The following LDHD variants were observed in gnomAD, a reference collection of about 807,000 sequenced individuals.
The protein encoded by LDHD is lactate dehydrogenase D.
In LDHD, 58 loss-of-function variants were observed where a neutral mutation model predicts 52.9. That is an observed-to-expected ratio of 1.10 (90% CI 0.89 to 1.36). The LOEUF (loss-of-function observed/expected upper bound fraction) is 1.36. Among genes scored for constraint, LDHD ranks in the 40% most tolerant of loss-of-function variants. The pLI, the probability that LDHD is intolerant of heterozygous loss-of-function variation, is 0.00. For synonymous variants in LDHD, 350 were observed against 288.6 expected (o/e 1.21, Z -2.16); for missense variants, 747 against 668.0 (o/e 1.12, Z -1.30).
rs745578747 is a variant in LDHD at position 75,113,824 on chromosome 16, C to T, written c.876G>A (p.Lys292=). 6.2e-6 allele frequency: 10 copies of T among 1,614,010 alleles called. No homozygotes were observed. The East Asian group carries it at 2.0e-4, about 32-fold the overall frequency. ...GTGTGGGCGCCACTAAGCAATTCAG[C>T]TTGCTGTACCTGTTGCAGGCATCCA... ...VMMDACNRYS[K]LNCLVAPTLF... The change falls in exon 7 of 11, where the codon AAG becomes AAA. Residue 292 remains lysine (K), a synonymous_variant. Coordinates refer to ENST00000450168, the MANE Select transcript of LDHD (RefSeq NM_194436.3).
At chr16:75,115,026 C>T in intron 3 of LDHD, 58 bp from the exon 4 acceptor site, 1 of 1,568,966 alleles carries the variant, frequency 6.4e-7, no homozygotes, top group South Asian at 1.2e-5. Context: ...TGGCCACGTC[C>T]CCGGACCACA....
intron 4 of LDHD, 53 bp from the exon 5 acceptor site, chr16:75,114,738 G>A (rs1011194391): frequency 9.6e-6 from 15 of 1,555,290 alleles, no homozygotes; most frequent in Non-Finnish European, 1.3e-5. Flanking sequence ...CCTTTCCCTC[G>A]GGCTGGGGGA....
In LDHD at chr16:75,112,076, A is replaced by C; in HGVS notation, c.*280T>G. 1 of 410,368 alleles carries C rather than the reference A, an allele frequency of 2.4e-6. No individual in the cohort carries two copies. The allele number at this position is 410,368 out of a possible 1,614,324, so 25.4% of individuals were successfully genotyped here. On this transcript the variant is annotated 3_prime_UTR_variant, in exon 11 of 11. Transcript: ENST00000450168. ...TGGACCCAGACGCTCTCTTCCCGCC[A>C]GGACAGGATGCGTAGGAGCAGAGAG...
At position 75,112,919 on chromosome 16, in the gene LDHD, G is replaced by T; in HGVS notation, c.1092C>A (p.Tyr364Ter). 1 of 1,610,696 alleles carries T rather than the reference G, an allele frequency of 6.2e-7. No homozygotes were observed. Among genetic ancestry groups the T allele is most frequent in the Non-Finnish European group, 8.5e-7 (1 of 1,179,428 alleles). The change falls in exon 9 of 11, where the codon TAC (tyrosine) becomes TAA (stop). Residue 364 changes from tyrosine (Y) to a stop codon, truncating the protein, a stop_gained. Coordinates refer to ENST00000450168, the MANE Select transcript of LDHD (RefSeq NM_194436.3). LOFTEE classifies it high-confidence loss of function. ...ALATRPGCKG[Y>*]STDVCVPISR... ...AGATGGGCACACACACATCCGTGGAGTAGCCCTGGTCAGAGGGAAGCCTAT... is the reference window on the plus strand; with the variant it reads ...AGATGGGCACACACACATCCGTGGATTAGCCCTGGTCAGAGGGAAGCCTAT...
chr16:75,112,805 C>G (rs140888366), intron 9 of LDHD, 29 bp downstream of exon 9: 42 of 1,607,040 alleles, frequency 2.6e-5, no homozygotes, highest in Non-Finnish European at 3.2e-5. Flanking sequence ...CACCTCCCCA[C>G]CTCTCCCCAG....
intron 3 of LDHD, 35 bp from the exon 4 acceptor site, chr16:75,115,003 T>G (rs368166767): frequency 6.9e-6 from 11 of 1,589,162 alleles, no homozygotes; most frequent in Non-Finnish European, 8.6e-6. Context: ...ACTGCAGACC[T>G]GGGTCTCTGA....
chr16:75,114,930 G>GA lies in LDHD; in HGVS notation c.365dup (p.Leu123ProfsTer122). The GA allele has an allele frequency of 1.9e-6, 3 of 1,613,982 alleles. No homozygotes were observed. Among genetic ancestry groups the GA allele is most frequent in the Non-Finnish European group, 2.5e-6 (3 of 1,179,988 alleles). ...AGAAGTCCTCCTGGTTCAGCTCCAGGATTCGGTCCATATGCGTCAGGTTAA... is the reference window on the plus strand; with the variant it reads ...AGAAGTCCTCCTGGTTCAGCTCCAGGAATTCGGTCCATATGCGTCAGGTTAA... On this transcript the variant is annotated frameshift_variant, in exon 4 of 11. Coordinates refer to ENST00000450168, the MANE Select transcript of LDHD (RefSeq NM_194436.3). LOFTEE classifies it high-confidence loss of function.
rs762442864 is a variant in LDHD at position 75,114,209 on chromosome 16, G to C, written c.630-44C>G. ...CAAGGTGAGTACCAGGCTGTGTGAT[G>C]AGGGATTTCTGGCCAGAAGCCGAAG... On this transcript the variant is annotated intron_variant, in intron 5 of 10. Transcript: ENST00000450168. 6 of 1,603,724 alleles carry C rather than the reference G, an allele frequency of 3.7e-6. No homozygotes were observed. The African/African-American group carries it at 8.0e-5, about 21-fold the overall frequency.
At position 75,113,851 on chromosome 16, in the gene LDHD, C is replaced by G. The variant is rs181568415; in HGVS notation, c.849G>C (p.Met283Ile). Residue 283 changes from methionine to isoleucine, a missense_variant, in exon 7 of 11, where the codon ATG becomes ATC. Transcript: ENST00000450168. ...VARIEFLDEVMMDACNRYSKL... is the reference protein window; with the variant it reads ...VARIEFLDEVIMDACNRYSKL... ...TGCTGTACCTGTTGCAGGCATCCATCATGACTTCATCCAGGAACTCTGGAT... is the reference window on the plus strand; with the variant it reads ...TGCTGTACCTGTTGCAGGCATCCATGATGACTTCATCCAGGAACTCTGGAT... 6.2e-7 allele frequency: 1 copy of G among 1,614,042 alleles called. No homozygotes were observed. The highest frequency in any genetic ancestry group is 2.2e-5 in the East Asian group (1 of 44,874).
chr16:75,114,306 C>T (rs1334085942), intron 5 of LDHD, 141 bp from the exon 6 acceptor site: 17 of 1,514,190 alleles, frequency 1.1e-5, no homozygotes, highest in African/African-American at 1.4e-5. Context: ...TTCCCTGGCC[C>T]AGTGCTTTCT....
In LDHD at chr16:75,114,534, C is replaced by G. The variant is rs1202580690; in HGVS notation, c.621G>C (p.Arg207=). The change falls in exon 5 of 11, where the codon CGG becomes CGC. Residue 207 remains arginine (R), a synonymous_variant. Transcript: ENST00000450168. ...GRLLHTAGRG[R]HFRKSAAGYN... ...CCGCAGAGGGCGCTCACCGGAAATG[C>G]CGGCCTCGGCCCGCCGTGTGCAGCA... The G allele has an allele frequency of 1.1e-5, 16 of 1,522,644 alleles. No individual in the cohort carries two copies. The highest frequency in any genetic ancestry group is 1.4e-5 in the Non-Finnish European group (16 of 1,140,190). 94.3% of individuals were successfully genotyped at this position (1,522,644 alleles called of 1,614,324 possible). A position where few individuals can be genotyped will look rare whatever the true frequency, so the allele number is the denominator to read the frequency against.
At position 75,111,893 on chromosome 16, in the gene LDHD, T is replaced by G; in HGVS notation, c.*463A>C. The G allele has an allele frequency of 6.6e-6, 1 of 150,956 alleles. No individual in the cohort carries two copies. The highest frequency in any genetic ancestry group is 1.5e-5 in the Non-Finnish European group (1 of 68,068). The allele number at this position is 150,956 out of a possible 1,614,324, so 9.4% of individuals were successfully genotyped here. A position where few individuals can be genotyped will look rare whatever the true frequency, so the allele number is the denominator to read the frequency against. On this transcript the variant is annotated 3_prime_UTR_variant, in exon 11 of 11. Transcript: ENST00000450168. ...GGTGGGTTTCAGGTTTATTACAGAT[T>G]TATTGGGGGAGGCCCCAAGGAGAAG... is the stretch of plus-strand genomic sequence containing the variant.
chr16:75,114,540 T>TCGGC lies in LDHD; in HGVS notation c.611_614dup (p.Gly206ProfsTer40). 1 of 1,525,320 alleles carries TCGGC rather than the reference T, an allele frequency of 6.6e-7. No homozygotes were observed. The highest frequency in any genetic ancestry group is 8.8e-7 in the Non-Finnish European group (1 of 1,141,384). The allele number at this position is 1,525,320 out of a possible 1,614,324, so 94.5% of individuals were successfully genotyped here. ...AGGGCGCTCACCGGAAATGCCGGCC[T>TCGGC]CGGCCCGCCGTGTGCAGCAGCCGCC... On this transcript the variant is annotated frameshift_variant, in exon 5 of 11. Transcript: ENST00000450168. LOFTEE classifies it high-confidence loss of function.
At chr16:75,113,361 G>T (rs1020627515) in intron 8 of LDHD, among the ~76,000 whole-genome samples, 174 bp downstream of exon 8, 1 of 152,234 alleles carries the variant, frequency 6.6e-6, no homozygotes, top group African/African-American at 2.4e-5. Flanking sequence ...CCTGTAGACG[G>T]TATCTGAACA....
rs961283945 is a variant in LDHD at position 75,111,889 on chromosome 16, A to G, written c.*467T>C. The G allele has an allele frequency of 6.5e-6, 1 of 152,680 alleles. No individual in the cohort carries two copies. The highest frequency in any genetic ancestry group is 1.4e-5 in the Non-Finnish European group (1 of 69,040). 9.5% of individuals were successfully genotyped at this position (152,680 alleles called of 1,614,324 possible). On this transcript the variant is annotated 3_prime_UTR_variant, in exon 11 of 11. Coordinates refer to ENST00000450168, the MANE Select transcript of LDHD (RefSeq NM_194436.3). ...TGTAGGTGGGTTTCAGGTTTATTAC[A>G]GATTTATTGGGGGAGGCCCCAAGGA... is the stretch of plus-strand genomic sequence containing the variant.
In LDHD at chr16:75,114,693, GC is replaced by G; in HGVS notation, c.470-9del. On this transcript the variant is annotated splice_polypyrimidine_tract_variant and intron_variant, in intron 4 of 10. Coordinates refer to ENST00000450168, the MANE Select transcript of LDHD (RefSeq NM_194436.3). ...AGGCGTCCGCGCCTGGGTCTGGAGG[GC>G]GGCGTACAGAAGGCAGCCTCAGGGA... 1 of 1,533,456 alleles carries G rather than the reference GC, an allele frequency of 6.5e-7. No individual in the cohort carries two copies. The highest frequency in any genetic ancestry group is 1.2e-5 in the South Asian group (1 of 83,772). The allele number at this position is 1,533,456 out of a possible 1,614,324, so 95.0% of individuals were successfully genotyped here.
At chr16:75,112,975 G>C (rs761277345) in intron 8 of LDHD, 51 bp from the exon 9 acceptor site, 1 of 1,383,136 alleles carries the variant, frequency 7.2e-7, no homozygotes, top group Non-Finnish European at 1.0e-6. Flanking sequence ...GGTGTACGGG[G>C]TCACCGTGGT....
Position 75,112,912 on chromosome 16 carries a change from C to T in LDHD, c.1099G>A (p.Asp367Asn), listed in dbSNP as rs1367588456. 6.2e-7 allele frequency: 1 copy of T among 1,611,630 alleles called. No individual in the cohort carries two copies. Among genetic ancestry groups the T allele is most frequent in the Non-Finnish European group, 8.5e-7 (1 of 1,179,702 alleles). The change falls in exon 9 of 11, where the codon GAT (aspartate) becomes AAT (asparagine). Residue 367 changes from aspartate (D) to asparagine (N), a missense_variant. Coordinates refer to ENST00000450168, the MANE Select transcript of LDHD (RefSeq NM_194436.3). ...AGCCGGGAGATGGGCACACACACAT[C>T]CGTGGAGTAGCCCTGGTCAGAGGGA... ...TRPGCKGYST[D>N]VCVPISRLPE...
intron 1 of LDHD, 104 bp downstream of exon 1, chr16:75,116,545 C>T (rs1343018755): frequency 3.1e-6 from 3 of 955,770 alleles, no homozygotes; most frequent in Non-Finnish European, 3.3e-6. Flanking sequence ...GGTCAGGTCA[C>T]TTGGTGCTGG....
Sources: gnomAD v4.1 joint callset for allele counts (sites outside exome capture counted in the v4.1 genomes callset) on GRCh38, gnomAD v4.1.1 for gene constraint, MANE v1.5 for transcripts, NCBI Gene and HGNC (gene_info 2026-07-23, HGNC 2026-07-21) for gene names.